OCA2: variants seen among roughly 807,000 people sequenced by gnomAD.
OCA2 encodes the protein OCA2 melanosomal transmembrane protein.
A neutral mutation model predicts 100.2 loss-of-function variants in OCA2; 77 were observed. The observed-to-expected ratio is 0.77, with a 90% CI of 0.64 to 0.93. OCA2 has a LOEUF of 0.93. Among genes scored for constraint, OCA2 ranks in the 40% least tolerant of loss-of-function variants. The pLI, the probability that OCA2 is intolerant of heterozygous loss-of-function variation, is 0.00. For synonymous variants in OCA2, 432 were observed against 439.2 expected, an observed-to-expected ratio of 0.98 and a Z score of 0.21; for missense variants, 1,062 against 1,089.1, an observed-to-expected ratio of 0.98 and a Z score of 0.35.
rs573167972 is a variant in OCA2, at chr15:27,897,513, T to C, written c.2080-25591A>G. Reference sequence around the variant, plus strand: ...AAGCCTTGGCAGCTTTCACGTGCTGTTGAGCCTGCAGGTGCATGGAAGTCA... The same window carrying C: ...AAGCCTTGGCAGCTTTCACGTGCTGCTGAGCCTGCAGGTGCATGGAAGTCA... On this transcript the variant is annotated intron_variant, in intron 19 of 23. Coordinates refer to ENST00000354638, the MANE Select transcript of OCA2 (RefSeq NM_000275.3). Among the ~76,000 whole-genome samples the C allele has an allele frequency of 1.8e-4, 28 of 152,290 alleles. 1 individual carries two copies. The highest frequency in any genetic ancestry group is 6.7e-4 in the African/African-American group (28 of 41,572).
Position 27,957,554 on chromosome 15 carries a change from C to A in OCA2, c.1784+34G>T. On this transcript the variant is annotated intron_variant, in intron 16 of 23. Transcript: ENST00000354638. The surrounding 1 kb of genome is among the most constrained non-coding windows in gnomAD (Gnocchi z 4.3). ...GGCCCATGGAATGTTCTGCTGCACA[C>A]CAAGCACAGTCTGAGCAGGACCCCG... 1 of 1,610,940 alleles carries A rather than the reference C, an allele frequency of 6.2e-7. No homozygotes were observed. Among genetic ancestry groups the A allele is most frequent in the Non-Finnish European group, 8.5e-7 (1 of 1,179,476 alleles).
chr15:27,739,121 T>C, the OCA2 span, among the ~76,000 whole-genome samples: 1 of 152,160 alleles, frequency 6.6e-6, no homozygotes, highest in Non-Finnish European at 1.5e-5. Flanking sequence ...ATGAACTACT[T>C]GAGTTTTCTT....
At chr15:27,798,609 T>C (rs1237948028) in intron 23 of OCA2, among the ~76,000 whole-genome samples, 1 of 151,954 alleles carries the variant, frequency 6.6e-6, no homozygotes, top group Non-Finnish European at 1.5e-5. Flanking sequence ...TCTAAAGTTA[T>C]GGAAGTCTTC....
chr15:27,982,164 T>C (rs1427113255), intron 14 of OCA2, among the ~76,000 whole-genome samples: 2 of 152,220 alleles, frequency 1.3e-5, no homozygotes, highest in African/African-American at 4.8e-5. Flanking sequence ...TGTACTCATC[T>C]ATATCCACAT....
At chr15:27,940,300 A>T (rs535311926) in intron 18 of OCA2, among the ~76,000 whole-genome samples, 1 of 152,234 alleles carries the variant, frequency 6.6e-6, no homozygotes, top group East Asian at 1.9e-4. Flanking sequence ...AGCTCCCCAC[A>T]CCTGTCACTC....
chr15:28,000,440 A>ATGGTGTAGG (rs1202198827), intron 9 of OCA2, among the ~76,000 whole-genome samples: 2 of 152,206 alleles, frequency 1.3e-5, no homozygotes. Flanking sequence ...ACCCTATCCT[A>ATGGTGTAGG]CACCATATAC....
At chr15:27,846,601 C>G (rs1334088467) in intron 22 of OCA2, among the ~76,000 whole-genome samples, 1 of 152,174 alleles carries the variant, frequency 6.6e-6, no homozygotes, top group Admixed American at 6.5e-5. Flanking sequence ...GCAGGTCCTG[C>G]CCAGGTGGAG....
intron 21 of OCA2, among the ~76,000 whole-genome samples, chr15:27,857,206 A>C (rs1275193634): frequency 1.3e-5 from 2 of 152,246 alleles, no homozygotes; most frequent in Non-Finnish European, 2.9e-5. Flanking sequence ...ATAAAGAGGA[A>C]TCAAATAGAA....
chr15:27,758,459 C>A lies in OCA2; in HGVS notation c.2433-2987G>T, dbSNP rs188402991. Among the ~76,000 whole-genome samples the A allele has an allele frequency of 1.5e-3, 231 of 152,326 alleles. 2 individuals are homozygous for A. Among genetic ancestry groups the A allele is most frequent in the African/African-American group, 5.3e-3 (221 of 41,564 alleles). Reference sequence around the variant, plus strand: ...CAGCAGAGACCACGTGGGGATCCCACGAGCCAGGGGTGTTTCAAGTTGAAT... The same window carrying A: ...CAGCAGAGACCACGTGGGGATCCCAAGAGCCAGGGGTGTTTCAAGTTGAAT... On this transcript the variant is annotated intron_variant, in intron 23 of 23. Coordinates refer to ENST00000354638, the MANE Select transcript of OCA2 (RefSeq NM_000275.3).
the OCA2 span, among the ~76,000 whole-genome samples, chr15:27,741,420 T>C: frequency 6.6e-6 from 1 of 152,076 alleles, no homozygotes; most frequent in South Asian, 2.1e-4. Flanking sequence ...TAGGCACAGC[T>C]ATAAAGAACA....
chr15:27,968,174 C>T (rs2040642085), intron 14 of OCA2, among the ~76,000 whole-genome samples: 4 of 151,848 alleles, frequency 2.6e-5, no homozygotes, highest in African/African-American at 9.7e-5. Flanking sequence ...TGTGCTTTTA[C>T]ACCTTCAGCA....
intron 23 of OCA2, among the ~76,000 whole-genome samples, chr15:27,782,079 C>T (rs1257174543): frequency 1.3e-5 from 2 of 152,226 alleles, no homozygotes; most frequent in African/African-American, 4.8e-5. Flanking sequence ...CCTTCTCTTG[C>T]TGTCTCTTTC....
At chr15:28,084,474 C>A (rs1426146394) in intron 1 of OCA2, among the ~76,000 whole-genome samples, 1 of 152,194 alleles carries the variant, frequency 6.6e-6, no homozygotes, top group East Asian at 1.9e-4. Flanking sequence ...CTCAAACTTA[C>A]CTGATAAACG....
intron 23 of OCA2, among the ~76,000 whole-genome samples, chr15:27,767,513 T>A (rs1034063575): frequency 4.1e-4 from 62 of 152,158 alleles, no homozygotes; most frequent in Non-Finnish European, 3.1e-4. Flanking sequence ...CAGCACTGGG[T>A]GTCTAGCTAA....
intron 9 of OCA2, among the ~76,000 whole-genome samples, chr15:28,010,090 G>GA (rs966745352): frequency 2.0e-5 from 3 of 149,768 alleles, no homozygotes; most frequent in East Asian, 3.9e-4. Flanking sequence ...AGCAGCTAAT[G>GA]AAAAAAAACC....
intron 23 of OCA2, among the ~76,000 whole-genome samples, chr15:27,787,615 G>A (rs1049576154): frequency 1.3e-5 from 2 of 151,766 alleles, no homozygotes; most frequent in Non-Finnish European, 2.9e-5. Context: ...TCTGATTTTG[G>A]CAATTAGGGT....
Position 28,063,692 on chromosome 15 carries a change from C to CT in OCA2, c.227+17955dup, listed in dbSNP as rs553099303. Reference sequence around the variant, plus strand: ...ACAGAACCTTTGCTCCTACATAACTCTATTTCCTCTCACCTGTTTGTTCTA... The same window carrying CT: ...ACAGAACCTTTGCTCCTACATAACTCTTATTTCCTCTCACCTGTTTGTTCTA... On this transcript the variant is annotated intron_variant, in intron 2 of 23. Coordinates refer to ENST00000354638, the MANE Select transcript of OCA2 (RefSeq NM_000275.3). Among the ~76,000 whole-genome samples the CT allele has an allele frequency of 1.6e-4, 25 of 152,222 alleles. 1 individual carries two copies. The South Asian group carries it at 2.9e-3, about 18-fold the overall frequency.
At chr15:27,746,444 G>T in the OCA2 span, among the ~76,000 whole-genome samples, 394 of 150,050 alleles carry the variant, frequency 2.6e-3, 2 homozygotes, top group African/African-American at 8.9e-3. Flanking sequence ...CTGGGTGACA[G>T]AGCAAGACTC....
intron 23 of OCA2, among the ~76,000 whole-genome samples, chr15:27,824,281 T>C (rs1275701400): frequency 6.6e-6 from 1 of 151,948 alleles, no homozygotes; most frequent in Non-Finnish European, 1.5e-5. Flanking sequence ...GGCAGGAGAA[T>C]TGCTTGAACC....
Sources: gnomAD v4.1 joint callset for allele counts (sites outside exome capture counted in the v4.1 genomes callset) on GRCh38, gnomAD v4.1.1 for gene constraint, Gnocchi (gnomAD v3.1) non-coding constraint, MANE v1.5 for transcripts, NCBI Gene and HGNC (gene_info 2026-07-23, HGNC 2026-07-21) for gene names.